The following MDM1 variants were observed in gnomAD, a reference collection of about 807,000 sequenced individuals.
MDM1 encodes stabilizer of axonemal microtubules 6, also known as Mdm1 nuclear protein.
A neutral mutation model predicts 89.1 loss-of-function variants in MDM1; 61 were observed. That is an observed-to-expected ratio of 0.68 (90% CI 0.56 to 0.85). The LOEUF (loss-of-function observed/expected upper bound fraction) is 0.85, where lower values mean the gene tolerates loss of function less well. MDM1 is among the 40% of genes least tolerant of loss of function. The pLI, the probability that MDM1 is intolerant of heterozygous loss-of-function variation, is 0.00. For missense variants in MDM1, 820 were observed against 846.5 expected, an observed-to-expected ratio of 0.97 and a Z score of 0.39; for synonymous variants, 290 against 294.1, an observed-to-expected ratio of 0.99 and a Z score of 0.14.
chr12:68,330,889 C>T, intron 2 of MDM1: 3 of 513,300 alleles, frequency 5.8e-6, no homozygotes, highest in Non-Finnish European at 1.0e-5. Flanking sequence ...ATTAGTGAAA[C>T]CTGGCCTGCC....
At position 68,313,741 on chromosome 12, in the gene MDM1, A is replaced by G. The variant is rs1246854427; in HGVS notation, c.1542T>C (p.Ser514=). ...GCCGGCCTCCTTTTTCTGAGGATAC[A>G]GAAGAATCTGACCTATAAATTGAAA... ...ADKMKEGSDS[S]VSSEKGGRLP... The change falls in exon 11 of 15, where the codon TCT becomes TCC. Residue 514 remains serine, a synonymous_variant. Coordinates refer to ENST00000682720, the MANE Select transcript of MDM1 (RefSeq NM_001354969.2). 3 of 1,613,012 alleles carry G rather than the reference A, an allele frequency of 1.9e-6. No homozygotes were observed. The highest frequency in any genetic ancestry group is 1.7e-6 in the Non-Finnish European group (2 of 1,178,974).
chr12:68,316,261 G>A lies in MDM1; in HGVS notation c.1036-8C>T. ...TTCTCGGAGTTCTTTAACCTATTCA[G>A]GAGAGTTCAGACATCATATACTATT... On this transcript the variant is annotated splice_polypyrimidine_tract_variant and splice_region_variant and intron_variant, in intron 8 of 14. Transcript: ENST00000682720. 1 of 1,609,812 alleles carries A rather than the reference G, an allele frequency of 6.2e-7. No homozygotes were observed.
At position 68,316,078 on chromosome 12, in the gene MDM1, C is replaced by T. The variant is rs376905343; in HGVS notation, c.1211G>A (p.Gly404Glu). ...TTGCCATCCACAAAGAATATCTCAC[C>T]CAGCAAGATCTAATGCTCTGATGTT... ...SSNIRALDLA[G>E]DPTSHKTLQK... Residue 404 changes from glycine (G) to glutamate (E), a missense_variant and splice_region_variant, in exon 9 of 15, where the codon GGA becomes GAA. Coordinates refer to ENST00000682720, the MANE Select transcript of MDM1 (RefSeq NM_001354969.2). 2.5e-6 allele frequency: 4 copies of T among 1,595,746 alleles called. No individual in the cohort carries two copies. Among genetic ancestry groups the T allele is most frequent in the Admixed American group, 3.5e-5 (2 of 57,260 alleles).
intron 3 of MDM1, 73 bp from the exon 4 acceptor site, chr12:68,325,648 A>G (rs1015248866): frequency 7.1e-7 from 1 of 1,408,660 alleles, no homozygotes. Flanking sequence ...TGTGGTAAAA[A>G]ATGCATAACA....
chr12:68,327,533 C>A (rs574905585), intron 2 of MDM1: 189 of 1,528,000 alleles, frequency 1.2e-4, no homozygotes, highest in Non-Finnish European at 1.5e-4. Flanking sequence ...AAAGAATAAG[C>A]CCTTTTAACA....
Position 68,316,100 on chromosome 12 carries a change from T to C in MDM1, c.1189A>G (p.Ile397Val), listed in dbSNP as rs535610536. 1 of 1,612,500 alleles carries C rather than the reference T, an allele frequency of 6.2e-7. No individual in the cohort carries two copies. Among genetic ancestry groups the C allele is most frequent in the Non-Finnish European group, 8.5e-7 (1 of 1,179,290 alleles). ...CACCCAGCAAGATCTAATGCTCTGATGTTGCTACTAACGGTTCCTTCTGAG... is the reference window on the plus strand; with the variant it reads ...CACCCAGCAAGATCTAATGCTCTGACGTTGCTACTAACGGTTCCTTCTGAG... ...TSSEGTVSSN[I>V]RALDLAGDPT... Residue 397 changes from isoleucine (I) to valine (V), a missense_variant, in exon 9 of 15, where the codon ATC becomes GTC. Coordinates refer to ENST00000682720, the MANE Select transcript of MDM1 (RefSeq NM_001354969.2).
At chr12:68,313,100 T>C (rs756151465) in intron 12 of MDM1, among the ~76,000 whole-genome samples, 2 of 152,236 alleles carry the variant, frequency 1.3e-5, no homozygotes, top group African/African-American at 2.4e-5. Context: ...ATGATGGCTA[T>C]GATTTTTGTC....
In MDM1 at chr12:68,325,490, A is replaced by C; in HGVS notation, c.584T>G (p.Phe195Cys). ...AGTTTCTTTAGAAGTCTTCCAAACAAACTGCCTTTGATATTCAGAATTTCT... is the reference window on the plus strand; with the variant it reads ...AGTTTCTTTAGAAGTCTTCCAAACACACTGCCTTTGATATTCAGAATTTCT... ...ALRNSEYQRQ[F>C]VWKTSKETAP... Residue 195 changes from phenylalanine to cysteine, a missense_variant, in exon 4 of 15, where the codon TTT (phenylalanine) becomes TGT (cysteine). By Grantham distance (205) the Phe-to-Cys change is radical. Transcript: ENST00000682720. 6.3e-7 allele frequency: 1 copy of C among 1,598,636 alleles called. No homozygotes were observed. The highest frequency in any genetic ancestry group is 1.3e-5 in the African/African-American group (1 of 74,576).
At chr12:68,302,901 A>AAG in intron 12 of MDM1, 29 bp from the exon 13 acceptor site, 1 of 1,427,686 alleles carries the variant, frequency 7.0e-7, no homozygotes, top group Non-Finnish European at 9.5e-7. Flanking sequence ...AAAAAAAAAA[A>AAG]GATGCCTATG....
chr12:68,302,999 A>G, intron 12 of MDM1, 127 bp from the exon 13 acceptor site: 1 of 769,162 alleles, frequency 1.3e-6, no homozygotes, highest in Non-Finnish European at 2.0e-6. Context: ...AATTTATGCA[A>G]CATCTATGTG....
At position 68,316,156 on chromosome 12, in the gene MDM1, T is replaced by C. The variant is rs770143574; in HGVS notation, c.1133A>G (p.Asn378Ser). 1 of 1,614,132 alleles carries C rather than the reference T, an allele frequency of 6.2e-7. No homozygotes were observed. The highest frequency in any genetic ancestry group is 1.7e-5 in the Admixed American group (1 of 60,020). The change falls in exon 9 of 15, where the codon AAC (asparagine) becomes AGC (serine). Residue 378 changes from asparagine to serine, a missense_variant. By Grantham distance (46) the Asn-to-Ser change is conservative. Transcript: ENST00000682720. ...GGTTGAGGAGACATCCCAACAGCAG[T>C]TGCTATCAGATAAAATCTGATTCAG... The part of the protein sequence containing the change: ...DHLNQILSDS[N>S]CCWDVSSTTS...
Position 68,313,717 on chromosome 12 carries a change from C to G in MDM1, c.1566G>C (p.Arg522=). ...GTTCTCTCAGCTTGGGAGTAGGAAG[C>G]CGGCCTCCTTTTTCTGAGGATACAG... The part of the protein sequence containing the change: ...DSSVSSEKGG[R]LPTPKLRELG... Residue 522 remains arginine (R), a synonymous_variant, in exon 11 of 15, where the codon CGG becomes CGC. Transcript: ENST00000682720. 1 of 1,614,116 alleles carries G rather than the reference C, an allele frequency of 6.2e-7. No individual in the cohort carries two copies. The highest frequency in any genetic ancestry group is 1.1e-5 in the South Asian group (1 of 91,080).
intron 7 of MDM1, among the ~76,000 whole-genome samples, chr12:68,317,990 C>A (rs751947609): frequency 6.6e-6 from 1 of 152,196 alleles, no homozygotes; most frequent in African/African-American, 2.4e-5. Context: ...CACATGCCCT[C>A]CTCCTCCATC....
At chr12:68,325,878 C>T in intron 3 of MDM1, 1 of 1,017,482 alleles carries the variant, frequency 9.8e-7, no homozygotes, top group South Asian at 4.4e-5. Flanking sequence ...AAATCTATTA[C>T]CAAAAAGTCC....
intron 2 of MDM1, 80 bp downstream of exon 2, chr12:68,331,027 A>ACTTAGCCCAAGTTATAACGG: frequency 1.3e-6 from 1 of 784,476 alleles, no homozygotes; most frequent in Admixed American, 2.1e-5. Context: ...CCCAAGGTTT[A>ACTTAGCCCAAGTTATAACGG]CTTAGCCCAA....
chr12:68,296,637 C>T (rs567000909), intron 14 of MDM1, among the ~76,000 whole-genome samples: 2 of 152,136 alleles, frequency 1.3e-5, no homozygotes, highest in Admixed American at 6.5e-5. Context: ...AATTCCTGAG[C>T]CCCCAGCTAG....
At chr12:68,308,260 G>T (rs2120882612) in intron 12 of MDM1, among the ~76,000 whole-genome samples, 1 of 152,044 alleles carries the variant, frequency 6.6e-6, no homozygotes, top group South Asian at 2.1e-4. Flanking sequence ...CAAGTAGCTG[G>T]GACTATAGGC....
chr12:68,323,159 T>C lies in MDM1; in HGVS notation c.715A>G (p.Lys239Glu). The C allele has an allele frequency of 6.2e-7, 1 of 1,610,772 alleles. No individual in the cohort carries two copies. The highest frequency in any genetic ancestry group is 8.5e-7 in the Non-Finnish European group (1 of 1,178,826). The change falls in exon 5 of 15, where the codon AAG (lysine) becomes GAG (glutamate). Residue 239 changes from lysine to glutamate, a missense_variant. Physicochemically the swap from Lys to Glu is moderately conservative, Grantham distance 56. Transcript: ENST00000682720. Reference protein sequence around the residue: ...IHETEYKRNFKGLSPVKEPKL... With the variant: ...IHETEYKRNFEGLSPVKEPKL... Reference sequence around the variant, plus strand: ...GGTTCTTTCACTGGAGATAAACCCTTGAAATTTCTTTTGTATTCAGTTTCA... The same window carrying C: ...GGTTCTTTCACTGGAGATAAACCCTCGAAATTTCTTTTGTATTCAGTTTCA...
intron 1 of MDM1, 120 bp from the exon 2 acceptor site, chr12:68,331,341 C>T: frequency 2.9e-6 from 2 of 690,402 alleles, no homozygotes; most frequent in Admixed American, 4.4e-5. Context: ...AAATTAAACA[C>T]AGACGAGCTC....
Sources: allele counts gnomAD v4.1 joint callset (sites outside exome capture counted in the v4.1 genomes callset), GRCh38; gene constraint gnomAD v4.1.1; transcripts MANE v1.5; gene names NCBI Gene and HGNC (gene_info 2026-07-23, HGNC 2026-07-21).